Variants in SLC39A10 observed in about 807,000 individuals in gnomAD.
SLC39A10 encodes zinc transporter ZIP10.
A neutral mutation model predicts 65.1 loss-of-function variants in SLC39A10; 13 were observed. The ratio of observed to expected loss-of-function variants is 0.20; its 90% CI spans 0.13 to 0.32. The LOEUF is 0.32. SLC39A10 is among the 10% of genes least tolerant of loss of function. The pLI is 1.00. For missense variants in SLC39A10, 831 were observed against 1,018.4 expected (o/e 0.82, Z 2.50); for synonymous variants, 321 against 342.2 (o/e 0.94, Z 0.68).
At chr2:195,621,369 C>T (rs1046712208) in intron 2 of SLC39A10, among the ~76,000 whole-genome samples, 3 of 152,146 alleles carry the variant, frequency 2.0e-5, no homozygotes, top group Non-Finnish European at 4.4e-5. Context: ...AGCTGAATGT[C>T]CTTAAGTGCA....
intron 1 of SLC39A10, among the ~76,000 whole-genome samples, chr2:195,661,787 A>G (rs779788257): frequency 6.6e-6 from 1 of 152,210 alleles, no homozygotes; most frequent in Non-Finnish European, 1.5e-5. Flanking sequence ...ACAGGTTTGC[A>G]GGCTTGTACA....
rs1692630040 is a variant in SLC39A10, at chr2:195,736,848, T to G, written c.*1807T>G. ...AACCTAGCTAAAAGGTGCTGATATT[T>G]TATTTAGTACTGCCAACTTCAAGTG... On this transcript the variant is annotated 3_prime_UTR_variant, in exon 10 of 10. Transcript: ENST00000359634. The G allele has an allele frequency of 6.6e-6, 1 of 152,228 alleles. No individual in the cohort carries two copies. Among genetic ancestry groups the G allele is most frequent in the Non-Finnish European group, 1.5e-5 (1 of 67,916 alleles). 9.4% of individuals were successfully genotyped at this position (152,228 alleles called of 1,614,324 possible).
At chr2:195,734,467 A>G (rs1692523486) in intron 9 of SLC39A10, among the ~76,000 whole-genome samples, 2 of 152,184 alleles carry the variant, frequency 1.3e-5, no homozygotes, top group Admixed American at 1.3e-4. Context: ...CGGCCCAAGA[A>G]TCTTGCTTTC....
intron 1 of SLC39A10, among the ~76,000 whole-genome samples, chr2:195,664,282 C>T (rs1032315735): frequency 6.6e-6 from 1 of 151,858 alleles, no homozygotes; most frequent in Admixed American, 6.6e-5. Flanking sequence ...GTTAGTGCAA[C>T]TGACATTTTT....
chr2:195,658,074 A>T (rs1048654850), intron 1 of SLC39A10: 1 of 152,076 alleles, frequency 6.6e-6, no homozygotes, highest in Non-Finnish European at 1.5e-5. Context: ...GTGGAGAGCG[A>T]TGTGGGGCGC....
intron 1 of SLC39A10, among the ~76,000 whole-genome samples, chr2:195,659,585 A>G (rs1195623708): frequency 2.0e-5 from 3 of 152,180 alleles, no homozygotes; most frequent in Non-Finnish European, 4.4e-5. Flanking sequence ...CTCAGTGTTG[A>G]CCAATACTGG....
At chr2:195,647,028 T>A (rs967403315) in intron 2 of SLC39A10, among the ~76,000 whole-genome samples, 1 of 152,180 alleles carries the variant, frequency 6.6e-6, no homozygotes, top group Non-Finnish European at 1.5e-5. Context: ...TTTATCTTCC[T>A]CTGACTCTCC....
At chr2:195,634,617 A>G (rs551988817) in intron 2 of SLC39A10, among the ~76,000 whole-genome samples, 26 of 152,344 alleles carry the variant, frequency 1.7e-4, no homozygotes, top group African/African-American at 5.1e-4. Flanking sequence ...ATGTAAGAAT[A>G]TGTATGAGTA....
intron 1 of SLC39A10, among the ~76,000 whole-genome samples, chr2:195,670,829 G>A (rs987162482): frequency 2.6e-5 from 4 of 152,120 alleles, no homozygotes; most frequent in Non-Finnish European, 4.4e-5. Context: ...TTCCCTTTGC[G>A]TATTATTAAG....
chr2:195,717,025 C>T lies in SLC39A10; in HGVS notation c.2065+20C>T. ...CAATTGGTAAGTGGACTGGAAACCA[C>T]TGTCTATGCTAATCTTATGGACTAT... On this transcript the variant is annotated intron_variant, in intron 7 of 9. Coordinates refer to ENST00000359634, the MANE Select transcript of SLC39A10 (RefSeq NM_020342.3). The T allele has an allele frequency of 6.2e-7, 1 of 1,604,992 alleles. No homozygotes were observed. The highest frequency in any genetic ancestry group is 8.5e-7 in the Non-Finnish European group (1 of 1,175,668).
chr2:195,663,516 TAAG>T (rs1438576339), intron 1 of SLC39A10, among the ~76,000 whole-genome samples: 1 of 152,144 alleles, frequency 6.6e-6, no homozygotes, highest in African/African-American at 2.4e-5. Flanking sequence ...AACGTAATAA[TAAG>T]ATAGTATAAT....
intron 3 of SLC39A10, among the ~76,000 whole-genome samples, chr2:195,701,887 GC>G (rs1691208656): frequency 2.0e-5 from 3 of 151,942 alleles, no homozygotes; most frequent in African/African-American, 4.8e-5. Context: ...TTGTCATGTT[GC>G]CCAGGCTGGT....
At chr2:195,732,913 A>G (rs1343268758) in intron 9 of SLC39A10, among the ~76,000 whole-genome samples, 2 of 152,192 alleles carry the variant, frequency 1.3e-5, no homozygotes, top group East Asian at 1.9e-4. Flanking sequence ...CCCTTAGACC[A>G]TTAGTTGATT....
intron 3 of SLC39A10, among the ~76,000 whole-genome samples, chr2:195,700,227 C>G (rs1330099180): frequency 6.6e-6 from 1 of 152,100 alleles, no homozygotes; most frequent in East Asian, 1.9e-4. Context: ...AAAGTAATTA[C>G]TGATAAGGAA....
intron 1 of SLC39A10, among the ~76,000 whole-genome samples, chr2:195,676,407 G>T (rs186536136): frequency 6.6e-6 from 1 of 151,394 alleles, no homozygotes; most frequent in East Asian, 1.9e-4. Flanking sequence ...ATTTTTTAAA[G>T]AATTTAGTTA....
intron 8 of SLC39A10, among the ~76,000 whole-genome samples, chr2:195,724,761 T>TA (rs945511826): frequency 4.6e-5 from 7 of 151,908 alleles, no homozygotes; most frequent in African/African-American, 1.5e-4. Flanking sequence ...GCATTCTCAG[T>TA]AAAAAATCCA....
At chr2:195,647,505 G>A (rs1414518540) in intron 2 of SLC39A10, among the ~76,000 whole-genome samples, 3 of 151,692 alleles carry the variant, frequency 2.0e-5, no homozygotes, top group African/African-American at 7.3e-5. Context: ...TCATTCATCT[G>A]CTTGTTTGCT....
chr2:195,628,231 T>G (rs942917924), intron 2 of SLC39A10, among the ~76,000 whole-genome samples: 1 of 152,180 alleles, frequency 6.6e-6, no homozygotes, highest in Non-Finnish European at 1.5e-5. Flanking sequence ...ACATATGAAA[T>G]TCTCCAAAAA....
chr2:195,660,006 T>C (rs1689321763), intron 1 of SLC39A10, among the ~76,000 whole-genome samples: 1 of 152,186 alleles, frequency 6.6e-6, no homozygotes, highest in African/African-American at 2.4e-5. Flanking sequence ...TTCTAATTTA[T>C]AATAACATGT....
Sources: gnomAD v4.1 joint callset for allele counts (sites outside exome capture counted in the v4.1 genomes callset) on GRCh38, gnomAD v4.1.1 for gene constraint, MANE v1.5 for transcripts, NCBI Gene and HGNC (gene_info 2026-07-23, HGNC 2026-07-21) for gene names.